CDH2: variants seen among roughly 807,000 people sequenced by gnomAD.
The protein encoded by CDH2 is cadherin-2.
A neutral mutation model predicts 92.0 loss-of-function variants in CDH2; 17 were observed. The ratio of observed to expected loss-of-function variants is 0.18; its 90% CI spans 0.13 to 0.28. The LOEUF (loss-of-function observed/expected upper bound fraction) is 0.28, where lower values mean the gene tolerates loss of function less well. CDH2 is among the 10% of genes least tolerant of loss of function. The pLI is 1.00. For synonymous variants in CDH2, 419 were observed against 415.9 expected (o/e 1.01, Z -0.09); for missense variants, 862 against 1,133.1 (o/e 0.76, Z 3.44).
intron 4 of CDH2, among the ~76,000 whole-genome samples, chr18:28,010,859 T>C (rs1460755703): frequency 6.6e-6 from 1 of 151,414 alleles, no homozygotes. Flanking sequence ...ATCGTGTTAG[T>C]CAGGATGGTC....
intron 2 of CDH2, among the ~76,000 whole-genome samples, chr18:28,086,717 T>TC (rs5823583): frequency 0.91 from 137,931 of 152,202 alleles, 62,882 homozygotes; most frequent in African/African-American, 0.96. Context: ...TCACTCAGTT[T>TC]CAGCCTATGC....
At chr18:27,934,446 G>T (rs141506448) in intron 6 of CDH2, among the ~76,000 whole-genome samples, 1 of 151,508 alleles carries the variant, frequency 6.6e-6, no homozygotes, top group East Asian at 2.0e-4. Context: ...GTGGTTTATT[G>T]TCTCTTTGAT....
intron 15 of CDH2, among the ~76,000 whole-genome samples, chr18:27,960,528 C>T (rs1028378459): frequency 3.3e-5 from 5 of 152,198 alleles, no homozygotes; most frequent in African/African-American, 7.2e-5. Context: ...AAATGGCCTC[C>T]TATGCCTGGC....
At chr18:28,070,736 G>A (rs982329578) in intron 2 of CDH2, among the ~76,000 whole-genome samples, 2 of 152,164 alleles carry the variant, frequency 1.3e-5, no homozygotes, top group African/African-American at 4.8e-5. Flanking sequence ...GTGTAAACAA[G>A]TAGTTAAATG....
At chr18:28,153,171 G>C (rs551394466) in intron 1 of CDH2, among the ~76,000 whole-genome samples, 1 of 152,230 alleles carries the variant, frequency 6.6e-6, no homozygotes, top group East Asian at 1.9e-4. Context: ...GAAAGAGGGG[G>C]AAGTGGAAAA....
At chr18:28,087,573 A>G (rs1599091081) in intron 2 of CDH2, among the ~76,000 whole-genome samples, 1 of 152,062 alleles carries the variant, frequency 6.6e-6, no homozygotes, top group South Asian at 2.1e-4. Flanking sequence ...CAAGCTTTTT[A>G]TTACATTGGG....
intron 2 of CDH2, among the ~76,000 whole-genome samples, chr18:28,063,949 G>A (rs767562728): frequency 6.6e-6 from 1 of 152,134 alleles, no homozygotes; most frequent in Non-Finnish European, 1.5e-5. Context: ...ATAATAACCA[G>A]CCCCAATTTA....
intron 2 of CDH2, among the ~76,000 whole-genome samples, chr18:28,128,487 C>T (rs2015712992): frequency 6.6e-6 from 1 of 152,062 alleles, no homozygotes; most frequent in South Asian, 2.1e-4. Flanking sequence ...AAGTTCAAGA[C>T]CAATCTGCAC....
rs199999051 is a variant in CDH2 at position 27,993,581 on chromosome 18, T to A, written c.1077A>T (p.Thr359=). The A allele has an allele frequency of 1.2e-6, 2 of 1,613,764 alleles. No individual in the cohort carries two copies. Among genetic ancestry groups the A allele is most frequent in the South Asian group, 2.2e-5 (2 of 91,078 alleles). ...CCGTGGCTGTGTTTGAAAGGCCATA[T>A]GTGGGATTGCCTTCCATGTCTGTAG... is the stretch of plus-strand genomic sequence containing the variant. ...IQATDMEGNP[T]YGLSNTATAV... The change falls in exon 8 of 16, where the codon ACA becomes ACT. Residue 359 remains threonine (T), a synonymous_variant. Coordinates refer to ENST00000269141, the MANE Select transcript of CDH2 (RefSeq NM_001792.5).
At chr18:28,072,304 C>T (rs1008937154) in intron 2 of CDH2, among the ~76,000 whole-genome samples, 2 of 152,076 alleles carry the variant, frequency 1.3e-5, no homozygotes, top group Non-Finnish European at 2.9e-5. Context: ...CTTATGTGAC[C>T]GCCATACCAC....
chr18:28,091,334 CT>C (rs1161591285), intron 2 of CDH2, among the ~76,000 whole-genome samples: 1 of 152,196 alleles, frequency 6.6e-6, no homozygotes, highest in African/African-American at 2.4e-5. Context: ...AAAACACCCC[CT>C]GACACTTAAA....
chr18:28,176,462 G>A (rs2016543462), intron 1 of CDH2, among the ~76,000 whole-genome samples: 1 of 152,180 alleles, frequency 6.6e-6, no homozygotes, highest in Admixed American at 6.5e-5. Context: ...CTTGAGCACC[G>A]GGAGGCGCAC....
At chr18:28,044,638 T>C (rs2014033555) in intron 2 of CDH2, among the ~76,000 whole-genome samples, 1 of 152,148 alleles carries the variant, frequency 6.6e-6, no homozygotes, top group Non-Finnish European at 1.5e-5. Context: ...TCTAAAACAC[T>C]ATTAAAAATA....
At chr18:28,012,980 CA>C (rs2013141830) in intron 3 of CDH2, among the ~76,000 whole-genome samples, 1 of 151,970 alleles carries the variant, frequency 6.6e-6, no homozygotes, top group Admixed American at 6.6e-5. Context: ...GGGTGTGTCC[CA>C]TCATATTTGT....
At chr18:28,140,831 A>G (rs776673837) in intron 2 of CDH2, among the ~76,000 whole-genome samples, 1 of 151,110 alleles carries the variant, frequency 6.6e-6, no homozygotes, top group African/African-American at 2.4e-5. Flanking sequence ...ACTCAAAAAC[A>G]CAAAGGTAAA....
At chr18:27,978,611 TG>T (rs35742329) in intron 14 of CDH2, among the ~76,000 whole-genome samples, 86,954 of 146,630 alleles carry the variant, frequency 0.59, 26,486 homozygotes, top group Non-Finnish European at 0.69. Context: ...TATATGTAGT[TG>T]GGGGGGGGGA....
chr18:28,013,525 G>A (rs1006258120), intron 3 of CDH2, among the ~76,000 whole-genome samples, 158 bp downstream of exon 3: 1 of 152,094 alleles, frequency 6.6e-6, no homozygotes, highest in Non-Finnish European at 1.5e-5. Flanking sequence ...TATCTTAAGA[G>A]ATTACAAACA....
intron 4 of CDH2, among the ~76,000 whole-genome samples, 195 bp downstream of exon 4, chr18:28,011,651 C>T (rs1353595000): frequency 1.3e-5 from 2 of 152,112 alleles, no homozygotes; most frequent in African/African-American, 2.4e-5. Flanking sequence ...GTGAGCTCTA[C>T]TTATAAATAA....
intron 2 of CDH2, among the ~76,000 whole-genome samples, chr18:28,053,235 T>C (rs991281618): frequency 3.3e-5 from 5 of 152,172 alleles, no homozygotes; most frequent in South Asian, 2.1e-4. Context: ...ATTGTAGAGT[T>C]TGAAAATCGT....
Sources: gnomAD v4.1 joint callset for allele counts (sites outside exome capture counted in the v4.1 genomes callset) on GRCh38, gnomAD v4.1.1 for gene constraint, MANE v1.5 for transcripts, NCBI Gene and HGNC (gene_info 2026-07-23, HGNC 2026-07-21) for gene names.